Variants in PPP2R1B observed in about 807,000 individuals in gnomAD.
The protein encoded by PPP2R1B is serine/threonine-protein phosphatase 2A 65 kDa regulatory subunit A beta isoform.
A neutral mutation model predicts 72.7 loss-of-function variants in PPP2R1B; 58 were observed. That is an observed-to-expected ratio of 0.80 (90% CI 0.65 to 0.99). The LOEUF is 0.99. Among genes scored for constraint, PPP2R1B ranks in the 50% least tolerant of loss-of-function variants. PPP2R1B has a pLI of 0.00. For synonymous variants in PPP2R1B, 256 were observed against 264.6 expected (o/e 0.97, Z 0.32); for missense variants, 695 against 733.6 (o/e 0.95, Z 0.61).
chr11:111,716,245 A>G, the PPP2R1B span, among the ~76,000 whole-genome samples: 1 of 152,218 alleles, frequency 6.6e-6, no homozygotes, highest in South Asian at 2.1e-4. Context: ...TACATTTTTA[A>G]TAACTTTTTT....
At chr11:111,746,678 G>A (rs1287287991) in intron 11 of PPP2R1B, among the ~76,000 whole-genome samples, 2 of 152,082 alleles carry the variant, frequency 1.3e-5, no homozygotes, top group Non-Finnish European at 2.9e-5. Context: ...TGATTTGCTA[G>A]GATGCACCAT....
the PPP2R1B span, among the ~76,000 whole-genome samples, chr11:111,699,869 G>A: frequency 6.6e-6 from 1 of 152,190 alleles, no homozygotes; most frequent in Non-Finnish European, 1.5e-5. Context: ...CAATCTGTCT[G>A]GCAGTAGAGA....
In PPP2R1B at chr11:111,738,184, A is replaced by T; in HGVS notation, c.*3412T>A. The stretch of plus-strand genomic sequence containing the variant: ...CATCACATCAGACTGCAGTCACCTC[A>T]GCTGCTAAACCAGGAGAACACTGGG... On this transcript the variant is annotated 3_prime_UTR_variant, in exon 15 of 15. Coordinates refer to ENST00000527614, the MANE Select transcript of PPP2R1B (RefSeq NM_002716.5). The T allele has an allele frequency of 3.0e-6, 3 of 985,850 alleles. No individual in the cohort carries two copies. Among genetic ancestry groups the T allele is most frequent in the Non-Finnish European group, 3.6e-6 (3 of 830,212 alleles). 61.1% of individuals were successfully genotyped at this position (985,850 alleles called of 1,614,324 possible).
In PPP2R1B at chr11:111,738,272, G is replaced by A. The variant is rs1045748746; in HGVS notation, c.*3324C>T. ...AGTGGAGAAAAATAAGAAGCTTTAC[G>A]ATAAGAGTGTCACCATTTTTAAAAG... On this transcript the variant is annotated 3_prime_UTR_variant, in exon 15 of 15. Transcript: ENST00000527614. The A allele has an allele frequency of 2.1e-5, 21 of 985,324 alleles. No individual in the cohort carries two copies. Among genetic ancestry groups the A allele is most frequent in the South Asian group, 9.4e-5 (2 of 21,288 alleles). The allele number at this position is 985,324 out of a possible 1,614,324, so 61.0% of individuals were successfully genotyped here.
the PPP2R1B span, chr11:111,701,444 T>C: frequency 6.2e-7 from 1 of 1,611,106 alleles, no homozygotes; most frequent in Middle Eastern, 1.7e-4. This position sits in a 1 kb window ranked among gnomAD's most constrained non-coding sequence, Gnocchi z 4.2. Flanking sequence ...CATTGTTTTC[T>C]TCCCTAGAGT....
downstream of PPP2R1B, chr11:111,737,716 G>A (rs113184520): frequency 6.6e-5 from 94 of 1,429,972 alleles, 1 homozygote; most frequent in African/African-American, 9.3e-4. Context: ...GGGGCACTGG[G>A]CAGAGAAAGC....
chr11:111,730,099 ATTAC>A (rs1430434951), intron 15 of PPP2R1B: 1 of 152,254 alleles, frequency 6.6e-6, no homozygotes, highest in Non-Finnish European at 1.5e-5. Flanking sequence ...AGAAGTGCTT[ATTAC>A]TTTTAGGATT....
chr11:111,742,325 G>A (rs1944552009), intron 13 of PPP2R1B, 181 bp from the exon 14 acceptor site: 1 of 757,876 alleles, frequency 1.3e-6, no homozygotes, highest in African/African-American at 1.8e-5. Context: ...TTCAGACAAG[G>A]ATCTACACAT....
At position 111,765,309 on chromosome 11, in the gene PPP2R1B, A is replaced by C; in HGVS notation, c.190T>G (p.Leu64Val). 2.5e-6 allele frequency: 4 copies of C among 1,612,026 alleles called. No homozygotes were observed. The South Asian group carries it at 4.4e-5, about 18-fold the overall frequency. ...ATTCACATACCTGTAAGAAATGGCA[A>C]CAATTCACTTCGGGTCCTTTCTACT... ...LGVERTRSEL[L>V]PFLTDTIYDE... Residue 64 changes from leucine to valine, a missense_variant, in exon 2 of 15, where the codon TTG becomes GTG. By Grantham distance (32) the Leu-to-Val change is conservative. Transcript: ENST00000527614.
chr11:111,754,891 T>C, intron 7 of PPP2R1B, 89 bp downstream of exon 7: 4 of 1,227,268 alleles, frequency 3.3e-6, no homozygotes, highest in Non-Finnish European at 4.6e-6. Flanking sequence ...TAAAAACATA[T>C]TCTAGAACAA....
At chr11:111,753,355 T>C (rs920125778) in intron 9 of PPP2R1B, 88 bp downstream of exon 9, 53 of 1,475,566 alleles carry the variant, frequency 3.6e-5, no homozygotes, top group Non-Finnish European at 4.9e-5. Context: ...ATTTTCTTTT[T>C]GGGGGTTCTA....
chr11:111,743,487 T>C lies in PPP2R1B; in HGVS notation c.1443A>G (p.Leu481=). Residue 481 remains leucine, a synonymous_variant, in exon 12 of 15, where the codon CTA becomes CTG. Transcript: ENST00000527614. ...CCCACTCTGTACCAAACTTCTGAAC[T>C]AGTTTCATGAGGTTGTTGGTGGCAG... ...REAATNNLMK[L]VQKFGTEWAQ... 1.9e-6 allele frequency: 3 copies of C among 1,614,058 alleles called. No individual in the cohort carries two copies. Among genetic ancestry groups the C allele is most frequent in the Non-Finnish European group, 2.5e-6 (3 of 1,179,994 alleles).
chr11:111,741,978 A>C (rs1944538245), intron 14 of PPP2R1B, 75 bp downstream of exon 14: 1 of 1,237,256 alleles, frequency 8.1e-7, no homozygotes, highest in Non-Finnish European at 1.2e-6. Flanking sequence ...TACCCACTTA[A>C]CACCTCTCAC....
intron 15 of PPP2R1B, among the ~76,000 whole-genome samples, chr11:111,731,939 G>A (rs1041397360): frequency 1.3e-5 from 2 of 151,842 alleles, no homozygotes; most frequent in Admixed American, 6.6e-5. Context: ...GCCCCAGGAC[G>A]CAGGCAAAAT....
chr11:111,726,075 T>C (rs1215213557), downstream of PPP2R1B: 1 of 152,376 alleles, frequency 6.6e-6, no homozygotes, highest in East Asian at 1.9e-4. Context: ...TTAAGATCTC[T>C]AATCTGTTTT....
At chr11:111,720,824 T>C in the PPP2R1B span, 4 of 1,577,152 alleles carry the variant, frequency 2.5e-6, no homozygotes, top group Admixed American at 1.8e-5. Context: ...TCTTGCCATG[T>C]TGGTGTGGTC....
intron 11 of PPP2R1B, 21 bp from the exon 12 acceptor site, chr11:111,743,551 A>G: frequency 6.3e-7 from 1 of 1,590,078 alleles, no homozygotes; most frequent in Non-Finnish European, 8.5e-7. Context: ...GGTCAAAAAC[A>G]TGTTCTCATA....
chr11:111,699,211 C>A, the PPP2R1B span, among the ~76,000 whole-genome samples: 1 of 152,118 alleles, frequency 6.6e-6, no homozygotes, highest in African/African-American at 2.4e-5. Context: ...CTCCTGGATA[C>A]CAAAGGCAGA....
chr11:111,760,968 C>T lies in PPP2R1B; in HGVS notation c.390G>A (p.Glu130=). Residue 130 remains glutamate (E), a synonymous_variant, in exon 4 of 15, where the codon GAG becomes GAA. Transcript: ENST00000527614. ...AVESLRQISQ[E]HTPVALEAYF... ...AAGCTTCCAGAGCAACAGGAGTATG[C>T]TCCTGGGAGATCTGTCTCAGGGACT... 6.2e-7 allele frequency: 1 copy of T among 1,614,242 alleles called. No individual in the cohort carries two copies. The highest frequency in any genetic ancestry group is 8.5e-7 in the Non-Finnish European group (1 of 1,180,050).
Sources: allele counts gnomAD v4.1 joint callset (sites outside exome capture counted in the v4.1 genomes callset), GRCh38; gene constraint gnomAD v4.1.1; non-coding constraint Gnocchi (gnomAD v3.1); transcripts MANE v1.5; gene names NCBI Gene and HGNC (gene_info 2026-07-23, HGNC 2026-07-21).